Variants in EPHA6 observed in about 807,000 individuals in gnomAD.
The protein encoded by EPHA6 is EPH receptor A6.
A neutral mutation model predicts 112.0 loss-of-function variants in EPHA6; 50 were observed. That is an observed-to-expected ratio of 0.45 (90% CI 0.36 to 0.56). The LOEUF (loss-of-function observed/expected upper bound fraction) is 0.56. Among genes scored for constraint, EPHA6 ranks in the 20% least tolerant of loss-of-function variants. The probability of loss-of-function intolerance (pLI) is 0.00; values close to 1 mark genes in which losing one functional copy is unlikely to be tolerated. For missense variants in EPHA6, 1,280 were observed against 1,417.4 expected (o/e 0.90, Z 1.56); for synonymous variants, 529 against 490.7 (o/e 1.08, Z -1.03).
chr3:97,421,134 A>C (rs2088590895), intron 6 of EPHA6, among the ~76,000 whole-genome samples: 1 of 152,050 alleles, frequency 6.6e-6, no homozygotes, highest in African/African-American at 2.4e-5. Flanking sequence ...GAACTACATA[A>C]AAATGTCCAT....
chr3:97,399,291 T>C (rs1036111316), intron 5 of EPHA6, among the ~76,000 whole-genome samples: 3 of 151,600 alleles, frequency 2.0e-5, no homozygotes, highest in Non-Finnish European at 3.0e-5. Context: ...TTTTTAACAG[T>C]GGAATAGTAT....
chr3:97,630,746 A>T (rs2093895953), intron 13 of EPHA6, among the ~76,000 whole-genome samples: 1 of 152,034 alleles, frequency 6.6e-6, no homozygotes, highest in Non-Finnish European at 1.5e-5. Flanking sequence ...CAAAATGGGG[A>T]AAGTGTGTTT....
chr3:97,699,681 T>TAA, intron 14 of EPHA6, among the ~76,000 whole-genome samples: 1 of 152,320 alleles, frequency 6.6e-6, no homozygotes, highest in East Asian at 1.9e-4. Context: ...AATTAAAACT[T>TAA]AAAACTGAGC....
In EPHA6 at chr3:97,750,778, C is replaced by T. The variant is rs2035882223; in HGVS notation, c.*2077C>T. The stretch of plus-strand genomic sequence containing the variant: ...CAGCTTAATCCTTCTCATTTCAAAA[C>T]AAATGTGTAAAGCAAAGCTAGAAGG... On this transcript the variant is annotated 3_prime_UTR_variant, in exon 18 of 18. Transcript: ENST00000389672. Among the ~76,000 whole-genome samples, 4 of 152,106 alleles carry T rather than the reference C, an allele frequency of 2.6e-5. No homozygotes were observed. The highest frequency in any genetic ancestry group is 6.5e-5 in the Admixed American group (1 of 15,274).
At chr3:97,611,476 G>A (rs1296956535) in intron 13 of EPHA6, among the ~76,000 whole-genome samples, 1 of 151,824 alleles carries the variant, frequency 6.6e-6, no homozygotes, top group Non-Finnish European at 1.5e-5. Context: ...AACATAAACT[G>A]AGAAGGCACC....
rs1399915504 is a variant in EPHA6 at position 97,286,052 on chromosome 3, A to T, written c.1606+41765A>T. The stretch of plus-strand genomic sequence containing the variant: ...GTCCTGATTTGAGAAATGTCTGTTT[A>T]TCCCTTTGGTCCCTTTTGAATGAGA... On this transcript the variant is annotated intron_variant, in intron 5 of 17. Coordinates refer to ENST00000389672, the MANE Select transcript of EPHA6 (RefSeq NM_001080448.3). 3.3e-5 allele frequency among the ~76,000 whole-genome samples: 5 copies of T among 152,068 alleles called. No individual in the cohort carries two copies. The South Asian group carries it at 1.0e-3, about 32-fold the overall frequency.
intron 6 of EPHA6, among the ~76,000 whole-genome samples, chr3:97,436,668 T>G (rs1183601415): frequency 1.3e-5 from 2 of 152,182 alleles, no homozygotes; most frequent in Admixed American, 1.3e-4. Context: ...AAAATAATTT[T>G]TCATGTTTTA....
chr3:97,172,018 T>C (rs1245780504), intron 3 of EPHA6, among the ~76,000 whole-genome samples: 2 of 152,072 alleles, frequency 1.3e-5, no homozygotes, highest in African/African-American at 4.8e-5. Flanking sequence ...AGGCAATTGG[T>C]ATCTGATTTA....
intron 14 of EPHA6, among the ~76,000 whole-genome samples, chr3:97,681,468 T>C (rs1254674070): frequency 6.6e-6 from 1 of 152,042 alleles, no homozygotes; most frequent in African/African-American, 2.4e-5. Flanking sequence ...AATATCTTCC[T>C]ATCAGGAATA....
chr3:97,425,375 C>A (rs151324639), intron 6 of EPHA6, among the ~76,000 whole-genome samples: 96 of 152,346 alleles, frequency 6.3e-4, no homozygotes, highest in African/African-American at 2.2e-3. Flanking sequence ...GGCTCCCAAA[C>A]CTCTGTGCAC....
chr3:97,030,325 G>T (rs1008681152), intron 3 of EPHA6, among the ~76,000 whole-genome samples: 8 of 151,992 alleles, frequency 5.3e-5, no homozygotes, highest in African/African-American at 1.9e-4. Context: ...TCAGAGATCT[G>T]CTATGTTCCT....
At chr3:97,060,923 CAAAAAAAAAAAAAAAAA>C (rs71623565) in intron 3 of EPHA6, among the ~76,000 whole-genome samples, 2 of 21,226 alleles carry the variant, frequency 9.4e-5, no homozygotes, top group African/African-American at 2.6e-4. Context: ...GACTCCGTCT[CAAAAAAAAAAAAAAAAA>C]AAAAAAAAAA....
At chr3:97,401,403 G>A (rs575122169) in intron 5 of EPHA6, among the ~76,000 whole-genome samples, 5 of 151,824 alleles carry the variant, frequency 3.3e-5, no homozygotes, top group South Asian at 2.1e-4. Flanking sequence ...CTGTACAACC[G>A]TGGTAGTTTG....
At chr3:97,114,963 G>A (rs1283576997) in intron 3 of EPHA6, among the ~76,000 whole-genome samples, 1 of 151,906 alleles carries the variant, frequency 6.6e-6, no homozygotes, top group Non-Finnish European at 1.5e-5. Context: ...GTTAATGAAG[G>A]AGTCATATTT....
At chr3:96,830,959 C>G (rs1046484522) in intron 1 of EPHA6, among the ~76,000 whole-genome samples, 5 of 151,860 alleles carry the variant, frequency 3.3e-5, no homozygotes, top group Non-Finnish European at 7.4e-5. Context: ...CTACATTTAA[C>G]CATTCCATTT....
At chr3:96,984,740 G>A (rs2042952808) in intron 2 of EPHA6, among the ~76,000 whole-genome samples, 1 of 152,184 alleles carries the variant, frequency 6.6e-6, no homozygotes, top group East Asian at 1.9e-4. Flanking sequence ...ACCTACTCAA[G>A]CCTCAGCAAT....
At chr3:97,274,837 C>T (rs2080014469) in intron 5 of EPHA6, among the ~76,000 whole-genome samples, 1 of 151,988 alleles carries the variant, frequency 6.6e-6, no homozygotes, top group Non-Finnish European at 1.5e-5. Flanking sequence ...GTGTGGTATC[C>T]AGAATAATGT....
At chr3:96,886,288 T>C (rs1249438087) in intron 2 of EPHA6, among the ~76,000 whole-genome samples, 1 of 152,234 alleles carries the variant, frequency 6.6e-6, no homozygotes, top group Non-Finnish European at 1.5e-5. Flanking sequence ...AGTCTCCCAC[T>C]ATTATTGTGT....
At chr3:97,537,120 T>C (rs2092775140) in intron 11 of EPHA6, among the ~76,000 whole-genome samples, 1 of 152,202 alleles carries the variant, frequency 6.6e-6, no homozygotes, top group Non-Finnish European at 1.5e-5. Flanking sequence ...TGATAAAGTT[T>C]TCAACTTATA....
Sources: gnomAD v4.1 joint callset for allele counts (sites outside exome capture counted in the v4.1 genomes callset) on GRCh38, gnomAD v4.1.1 for gene constraint, MANE v1.5 for transcripts, NCBI Gene and HGNC (gene_info 2026-07-23, HGNC 2026-07-21) for gene names.